GRB14: variants seen among roughly 807,000 people sequenced by gnomAD.
GRB14 encodes the protein growth factor receptor bound protein 14, also known as growth factor receptor-bound protein 14.
GRB14 carries 38 observed loss-of-function variants against 69.1 expected under a neutral mutation model. That is an observed-to-expected ratio of 0.55 (90% CI 0.42 to 0.72). The LOEUF (loss-of-function observed/expected upper bound fraction) is 0.72. GRB14 is among the 30% of genes least tolerant of loss of function. The probability of loss-of-function intolerance (pLI) is 0.00; values close to 1 mark genes in which losing one functional copy is unlikely to be tolerated. For synonymous variants in GRB14, 247 were observed against 241.3 expected (o/e 1.02, Z -0.22); for missense variants, 666 against 666.1 (o/e 1.00, Z 0.00).
chr2:164,564,591 T>A (rs1574313872), intron 2 of GRB14, among the ~76,000 whole-genome samples: 1 of 152,122 alleles, frequency 6.6e-6, no homozygotes, highest in African/African-American at 2.4e-5. Flanking sequence ...CTTAAAAAAA[T>A]ATATGTCATT....
Position 164,502,292 on chromosome 2 carries a change from C to T in GRB14, c.1067G>A (p.Gly356Asp), listed in dbSNP as rs764141981. 7.5e-6 allele frequency: 12 copies of T among 1,607,020 alleles called. No individual in the cohort carries two copies. Among genetic ancestry groups the T allele is most frequent in the Non-Finnish European group, 1.0e-5 (12 of 1,174,294 alleles). ...LYQNYMHPYQ[G>D]RSGCSSQSIS... ...GCTCTGTGAACTGCAGCCACTTCTACCTTGATATGGATGCATATAATTCTG... is the reference window on the plus strand; with the variant it reads ...GCTCTGTGAACTGCAGCCACTTCTATCTTGATATGGATGCATATAATTCTG... Residue 356 changes from glycine to aspartate, a missense_variant, in exon 9 of 14, where the codon GGT (glycine) becomes GAT (aspartate). Coordinates refer to ENST00000263915, the MANE Select transcript of GRB14 (RefSeq NM_004490.3).
At chr2:164,620,758 CA>C (rs1389539366) in intron 1 of GRB14, among the ~76,000 whole-genome samples, 6 of 152,116 alleles carry the variant, frequency 3.9e-5, no homozygotes, top group Non-Finnish European at 8.8e-5. Flanking sequence ...GAGGTGAATA[CA>C]TTTATGCTAC....
At chr2:164,607,886 T>C (rs1433172062) in intron 2 of GRB14, among the ~76,000 whole-genome samples, 1 of 152,218 alleles carries the variant, frequency 6.6e-6, no homozygotes, top group African/African-American at 2.4e-5. Context: ...TTCCAATTTT[T>C]TTCCTAAGAT....
At chr2:164,565,384 T>C (rs1356210396) in intron 2 of GRB14, among the ~76,000 whole-genome samples, 3 of 152,160 alleles carry the variant, frequency 2.0e-5, no homozygotes, top group South Asian at 2.1e-4. Context: ...CAGAGGAAGA[T>C]GAAAGGATTT....
At chr2:164,610,424 C>A (rs191920923) in intron 2 of GRB14, among the ~76,000 whole-genome samples, 1 of 152,014 alleles carries the variant, frequency 6.6e-6, no homozygotes, top group East Asian at 1.9e-4. Context: ...CTTGATTACA[C>A]GGATCAAATT....
At chr2:164,574,139 T>C (rs1304766702) in intron 2 of GRB14, 3 of 654,638 alleles carry the variant, frequency 4.6e-6, no homozygotes, top group Non-Finnish European at 8.0e-6. Flanking sequence ...GTAAATGACA[T>C]AGAGTCAGTC....
chr2:164,574,304 C>T (rs1344149495), intron 2 of GRB14, among the ~76,000 whole-genome samples: 1 of 148,736 alleles, frequency 6.7e-6, no homozygotes, highest in Non-Finnish European at 1.5e-5. Flanking sequence ...TGCAATGGTG[C>T]GATCTCAGCT....
intron 2 of GRB14, among the ~76,000 whole-genome samples, chr2:164,599,097 C>G (rs1487677895): frequency 6.6e-6 from 1 of 152,148 alleles, no homozygotes; most frequent in Admixed American, 6.5e-5. Flanking sequence ...GCTTTACCAT[C>G]GTGTCTAAAA....
intron 2 of GRB14, among the ~76,000 whole-genome samples, chr2:164,563,937 C>A (rs996980125): frequency 6.6e-6 from 1 of 152,052 alleles, no homozygotes; most frequent in East Asian, 1.9e-4. Flanking sequence ...ATTGTACACA[C>A]CTATGGACGG....
At position 164,522,104 on chromosome 2, in the gene GRB14, G is replaced by C. The variant is rs202140864; in HGVS notation, c.692C>G (p.Ser231Ter). The C allele has an allele frequency of 6.3e-7, 1 of 1,580,642 alleles. No individual in the cohort carries two copies. Among genetic ancestry groups the C allele is most frequent in the Non-Finnish European group, 8.6e-7 (1 of 1,160,224 alleles). The change falls in exon 6 of 14, where the codon TCA becomes TGA. Residue 231 changes from serine (S) to a stop codon, truncating the protein, a stop_gained. Transcript: ENST00000263915. LOFTEE classifies it high-confidence loss of function. ...PTQILQMFLS[S>*]STYPEIHGFL... ...ACCATGAATTTCAGGATATGTGCTT[G>C]AACTCAGAAACATCTGAAAGAAAAT...
intron 2 of GRB14, among the ~76,000 whole-genome samples, chr2:164,602,759 T>A (rs1447384295): frequency 6.6e-6 from 1 of 152,176 alleles, no homozygotes; most frequent in East Asian, 1.9e-4. Flanking sequence ...CCCCAGAGAT[T>A]CCTGGATTGT....
chr2:164,514,878 A>G (rs1166283412), intron 6 of GRB14, among the ~76,000 whole-genome samples: 3 of 152,086 alleles, frequency 2.0e-5, no homozygotes, highest in African/African-American at 4.8e-5. Flanking sequence ...CGGGGCATGG[A>G]GTGAGCTAAA....
At chr2:164,545,624 G>A (rs1314299479) in intron 3 of GRB14, among the ~76,000 whole-genome samples, 1 of 152,158 alleles carries the variant, frequency 6.6e-6, no homozygotes. Flanking sequence ...TCCAAAATGT[G>A]AGAATAAATT....
At chr2:164,508,417 C>T (rs745496662) in intron 8 of GRB14, 38 bp downstream of exon 8, 9 of 1,491,720 alleles carry the variant, frequency 6.0e-6, no homozygotes, top group Admixed American at 1.7e-5. Context: ...ATGGTACTCA[C>T]AGCAGTTAAT....
chr2:164,577,166 A>C (rs1043129612), intron 2 of GRB14, among the ~76,000 whole-genome samples: 1 of 152,232 alleles, frequency 6.6e-6, no homozygotes, highest in African/African-American at 2.4e-5. Flanking sequence ...TTTGATTTAC[A>C]AAAAAATTCT....
intron 2 of GRB14, among the ~76,000 whole-genome samples, chr2:164,588,262 A>C (rs1689581922): frequency 6.6e-6 from 1 of 152,214 alleles, no homozygotes; most frequent in Non-Finnish European, 1.5e-5. Flanking sequence ...TGCCCAGCCA[A>C]GGGTGGGAAA....
chr2:164,516,041 AC>A (rs927237163), intron 6 of GRB14, among the ~76,000 whole-genome samples: 29 of 152,026 alleles, frequency 1.9e-4, no homozygotes, highest in African/African-American at 6.5e-4. Flanking sequence ...TAAAAGATGA[AC>A]AAAGCCTCCA....
intron 3 of GRB14, among the ~76,000 whole-genome samples, chr2:164,546,612 T>C (rs1281396618): frequency 6.6e-6 from 1 of 152,116 alleles, no homozygotes; most frequent in Non-Finnish European, 1.5e-5. Context: ...GTGAAAAACT[T>C]TCCCCCAACT....
chr2:164,492,950 T>G lies in GRB14; in HGVS notation c.*86A>C. 8.1e-7 allele frequency: 1 copy of G among 1,228,610 alleles called. No homozygotes were observed. Among genetic ancestry groups the G allele is most frequent in the Non-Finnish European group, 1.1e-6 (1 of 893,382 alleles). 76.1% of individuals were successfully genotyped at this position (1,228,610 alleles called of 1,614,324 possible). On this transcript the variant is annotated 3_prime_UTR_variant, in exon 14 of 14. Transcript: ENST00000263915. Reference sequence around the variant, plus strand: ...GGTGAAATACATTCTTTTCACATGGTAATGTTTTCGCCCTTATTTATGGTC... The same window carrying G: ...GGTGAAATACATTCTTTTCACATGGGAATGTTTTCGCCCTTATTTATGGTC...
Sources: gnomAD v4.1 joint callset for allele counts (sites outside exome capture counted in the v4.1 genomes callset) on GRCh38, gnomAD v4.1.1 for gene constraint, MANE v1.5 for transcripts, NCBI Gene and HGNC (gene_info 2026-07-23, HGNC 2026-07-21) for gene names.